MDN1: variants seen among roughly 807,000 people sequenced by gnomAD.
MDN1 encodes the protein midasin AAA ATPase 1.
MDN1 carries 266 observed loss-of-function variants against 669.2 expected under a neutral mutation model. The observed-to-expected ratio is 0.40, with a 90% CI of 0.36 to 0.44. MDN1 has a LOEUF of 0.44. MDN1 is among the 20% of genes least tolerant of loss of function. MDN1 has a pLI of 1.00. For synonymous variants in MDN1, 2,385 were observed against 2,457.1 expected (o/e 0.97, Z 0.87); for missense variants, 5,940 against 6,754.0 (o/e 0.88, Z 4.22).
chr6:89,680,868 A>G, intron 73 of MDN1, 117 bp from the exon 74 acceptor site: 1 of 1,094,068 alleles, frequency 9.1e-7, no homozygotes, highest in Non-Finnish European at 1.3e-6. Flanking sequence ...CAAATAGAGA[A>G]CAAATGTAGC....
chr6:89,813,159 C>T (rs1464814260), intron 1 of MDN1, among the ~76,000 whole-genome samples: 3 of 152,138 alleles, frequency 2.0e-5, no homozygotes, highest in Non-Finnish European at 2.9e-5. Flanking sequence ...AGGCTGGTCT[C>T]GAACTCCCAA....
At position 89,692,799 on chromosome 6, in the gene MDN1, T is replaced by C. The variant is rs1404470084; in HGVS notation, c.10231A>G (p.Met3411Val). ...QASILQLQHG[M>V]RLVASELHTS... The stretch of plus-strand genomic sequence containing the variant: ...TGGAGCTCAGAGGCCACCAGCCTCA[T>C]GCCATGTTGTAACTGCAATATGGAT... The change falls in exon 63 of 102, where the codon ATG (methionine) becomes GTG (valine). Residue 3411 changes from methionine (M) to valine (V), a missense_variant. By Grantham distance (21) the Met-to-Val change is conservative. Coordinates refer to ENST00000369393, the MANE Select transcript of MDN1 (RefSeq NM_014611.3). 3 of 1,614,216 alleles carry C rather than the reference T, an allele frequency of 1.9e-6. No homozygotes were observed. Among genetic ancestry groups the C allele is most frequent in the Non-Finnish European group, 2.5e-6 (3 of 1,180,034 alleles).
chr6:89,676,492 G>T (rs961443097), intron 76 of MDN1, among the ~76,000 whole-genome samples: 1 of 152,142 alleles, frequency 6.6e-6, no homozygotes, highest in African/African-American at 2.4e-5. Context: ...GCCTACAGGG[G>T]CCAGGCAAAT....
chr6:89,678,083 C>A (rs1318606755), intron 75 of MDN1, among the ~76,000 whole-genome samples: 3 of 152,152 alleles, frequency 2.0e-5, no homozygotes, highest in African/African-American at 7.2e-5. Flanking sequence ...ACCATCCTGG[C>A]TAACACGGTG....
Position 89,743,263 on chromosome 6 carries a change from TG to T in MDN1, c.4334del (p.Ser1445Ter). The T allele has an allele frequency of 6.2e-7, 1 of 1,614,152 alleles. No homozygotes were observed. On this transcript the variant is annotated frameshift_variant, in exon 31 of 102. Transcript: ENST00000369393. LOFTEE classifies it high-confidence loss of function. ...GCCCATCATGCCACTCAAAGAGTCTTGATGTGTCAATTTCTTCCTATAATTT... is the reference window on the plus strand; with the variant it reads ...GCCCATCATGCCACTCAAAGAGTCTTATGTGTCAATTTCTTCCTATAATTT... ...KPNDKEEIDT[S>X]RLFEWHDGPL... is the part of the protein sequence containing the mutation.
At chr6:89,669,278 T>C (rs940253588) in intron 83 of MDN1, among the ~76,000 whole-genome samples, 5 of 152,248 alleles carry the variant, frequency 3.3e-5, no homozygotes, top group African/African-American at 9.6e-5. Context: ...TTCCTGCCAC[T>C]ATCTTTAGTA....
intron 90 of MDN1, 125 bp downstream of exon 90, chr6:89,658,084 A>G: frequency 2.5e-6 from 3 of 1,179,478 alleles, no homozygotes; most frequent in East Asian, 2.4e-5. Context: ...TTAGATGTCA[A>G]CAACAAAACA....
At position 89,778,411 on chromosome 6, in the gene MDN1, C is replaced by T. The variant is rs142380753; in HGVS notation, c.1726-1716G>A. On this transcript the variant is annotated intron_variant, in intron 11 of 101. Transcript: ENST00000369393. ...TGCAAAAAGACCCAAATAATGGCAC[C>T]CCTAAAATTCAGTAATAAGCAGGAA... 2.4e-3 allele frequency among the ~76,000 whole-genome samples: 360 copies of T among 151,768 alleles called. 3 individuals are homozygous for T. Among genetic ancestry groups the T allele is most frequent in the African/African-American group, 8.3e-3 (345 of 41,404 alleles).
chr6:89,737,608 A>C (rs932859051), intron 33 of MDN1, among the ~76,000 whole-genome samples: 1 of 152,038 alleles, frequency 6.6e-6, no homozygotes, highest in African/African-American at 2.4e-5. Context: ...TATGGATACT[A>C]ATCTATTTTC....
chr6:89,810,109 G>A (rs1768308593), intron 1 of MDN1, among the ~76,000 whole-genome samples: 2 of 150,738 alleles, frequency 1.3e-5, no homozygotes, highest in African/African-American at 4.9e-5. Context: ...TAATTTCCTG[G>A]AGCTGTCATA....
chr6:89,712,546 C>A (rs1814014537), intron 48 of MDN1, 29 bp downstream of exon 48: 19 of 1,601,554 alleles, frequency 1.2e-5, no homozygotes, highest in Non-Finnish European at 1.6e-5. Flanking sequence ...GCCAAGAAAC[C>A]AGAGACACAA....
chr6:89,688,917 C>T, intron 65 of MDN1, 109 bp from the exon 66 acceptor site: 1 of 894,770 alleles, frequency 1.1e-6, no homozygotes, highest in Non-Finnish European at 1.7e-6. Context: ...TGTCTGTAAT[C>T]CCAGCACTTT....
intron 67 of MDN1, 82 bp from the exon 68 acceptor site, chr6:89,687,520 G>T: frequency 8.0e-7 from 1 of 1,253,812 alleles, no homozygotes. Flanking sequence ...CTTGAACTTT[G>T]CTTGAGTGAA....
In MDN1 at chr6:89,683,142, G is replaced by T; in HGVS notation, c.12092C>A (p.Ala4031Glu). The change falls in exon 73 of 102, where the codon GCA becomes GAA. Residue 4031 changes from alanine to glutamate, a missense_variant. Physicochemically the swap from Ala to Glu is moderately radical, Grantham distance 107 (BLOSUM62 -1). Coordinates refer to ENST00000369393, the MANE Select transcript of MDN1 (RefSeq NM_014611.3). ...CCCACAACCAAGTACCTGCCCAGCT[G>T]CTGGTTGGGCTAACAGGGTCTCCCT... ...ALRETLLAQP[A>E]AGQATIPEWC... The T allele has an allele frequency of 6.2e-7, 1 of 1,614,102 alleles. No homozygotes were observed. The highest frequency in any genetic ancestry group is 8.5e-7 in the Non-Finnish European group (1 of 1,180,004).
At chr6:89,713,332 G>A in intron 46 of MDN1, 36 bp from the exon 47 acceptor site, 2 of 1,540,408 alleles carry the variant, frequency 1.3e-6, no homozygotes, top group Admixed American at 1.9e-5. Flanking sequence ...AAACAATAGA[G>A]TCTTTAAAAT....
intron 38 of MDN1, 73 bp from the exon 39 acceptor site, chr6:89,723,692 CTTA>C: frequency 2.6e-6 from 2 of 761,864 alleles, no homozygotes; most frequent in Admixed American, 3.3e-5. Context: ...ACTACCATGT[CTTA>C]TTATGCAAAA....
chr6:89,732,022 A>G (rs1323311603), intron 34 of MDN1, among the ~76,000 whole-genome samples: 1 of 152,074 alleles, frequency 6.6e-6, no homozygotes, highest in Non-Finnish European at 1.5e-5. Context: ...AACCAAAATG[A>G]GTTTAAATTA....
chr6:89,686,820 G>C, intron 69 of MDN1, 82 bp downstream of exon 69: 5 of 1,540,644 alleles, frequency 3.2e-6, no homozygotes, highest in Non-Finnish European at 4.4e-6. Flanking sequence ...GGAGAAGCGG[G>C]AGCAGGAAAA....
chr6:89,689,961 CAG>C lies in MDN1; in HGVS notation c.10930_10931del (p.Leu3644AlafsTer4). The C allele has an allele frequency of 1.9e-6, 3 of 1,614,174 alleles. No individual in the cohort carries two copies. The highest frequency in any genetic ancestry group is 2.5e-6 in the Non-Finnish European group (3 of 1,180,026). On this transcript the variant is annotated frameshift_variant, in exon 65 of 102. Transcript: ENST00000369393. LOFTEE classifies it high-confidence loss of function. ...GGTAATGCTTTGCTTCATGTGGCGG[CAG>C]AGTCTGTTGATACCAGAGGGATCGA... ...FARSLWYQQTLPPHEAKHYLS... is the reference protein window; with the variant it reads ...FARSLWYQQTXPPHEAKHYLS...
Sources: allele counts gnomAD v4.1 joint callset (sites outside exome capture counted in the v4.1 genomes callset), GRCh38; gene constraint gnomAD v4.1.1; transcripts MANE v1.5; gene names NCBI Gene and HGNC (gene_info 2026-07-23, HGNC 2026-07-21).